The following OGFRL1 variants were observed in gnomAD, a reference collection of about 807,000 sequenced individuals.
OGFRL1 encodes the protein opioid growth factor receptor-like protein 1.
In OGFRL1, 26 loss-of-function variants were observed where a neutral mutation model predicts 32.4. That is an observed-to-expected ratio of 0.80 (90% confidence interval 0.59 to 1.11). The LOEUF is 1.11. Among genes scored for constraint, OGFRL1 ranks in the 50% most tolerant of loss-of-function variants. OGFRL1 has a pLI of 0.00. For synonymous variants in OGFRL1, 211 were observed against 201.2 expected (o/e 1.05, Z -0.41); for missense variants, 521 against 546.4 (o/e 0.95, Z 0.46).
intron 1 of OGFRL1, chr6:71,289,547 G>C (rs1472531740): frequency 6.3e-5 from 16 of 252,324 alleles, no homozygotes; most frequent in Non-Finnish European, 6.7e-5. Context: ...TGTGTTATTG[G>C]TAAAAAAAAA....
At position 71,301,585 on chromosome 6, in the gene OGFRL1, C is replaced by T. The variant is rs764093237; in HGVS notation, c.892C>T (p.Arg298Trp). The change falls in exon 7 of 7, where the codon CGG (arginine) becomes TGG (tryptophan). Residue 298 changes from arginine (R) to tryptophan (W), a missense_variant. Arg to Trp is a moderately radical substitution (Grantham distance 101). Transcript: ENST00000370435. ...RDRRERRKLL[R>W]FAQKHYTPSE... ...CAGAAGAGAAAGGAGAAAGCTCCTG[C>T]GGTTCGCCCAGAAACACTACACGCC... The T allele has an allele frequency of 7.4e-6, 12 of 1,614,030 alleles. No individual in the cohort carries two copies. Among genetic ancestry groups the T allele is most frequent in the South Asian group, 3.3e-5 (3 of 91,080 alleles).
At chr6:71,299,279 A>C (rs183468302) in intron 6 of OGFRL1, among the ~76,000 whole-genome samples, 1 of 152,242 alleles carries the variant, frequency 6.6e-6, no homozygotes, top group Admixed American at 6.5e-5. Flanking sequence ...GTGTAACCCT[A>C]AGATGGTTTA....
intron 1 of OGFRL1, 102 bp downstream of exon 1, chr6:71,289,272 G>T (rs1381751029): frequency 1.0e-4 from 101 of 1,012,442 alleles, no homozygotes; most frequent in Non-Finnish European, 1.1e-4. Context: ...GGGGCGCCAG[G>T]TGGCTGCTCG....
chr6:71,301,702 A>T lies in OGFRL1; in HGVS notation c.1009A>T (p.Asn337Tyr). 2 of 1,614,018 alleles carry T rather than the reference A, an allele frequency of 1.2e-6. No homozygotes were observed. The highest frequency in any genetic ancestry group is 1.7e-6 in the Non-Finnish European group (2 of 1,180,030). The part of the protein sequence containing the change: ...KMSSPLASSH[N>Y]SQTSMHKKAK... Reference sequence around the variant, plus strand: ...GTCTTCCCCTCTCGCCTCCAGTCATAACAGTCAAACTTCTATGCACAAAAA... The same window carrying T: ...GTCTTCCCCTCTCGCCTCCAGTCATTACAGTCAAACTTCTATGCACAAAAA... Residue 337 changes from asparagine (N) to tyrosine (Y), a missense_variant, in exon 7 of 7, where the codon AAC (asparagine) becomes TAC (tyrosine). Coordinates refer to ENST00000370435, the MANE Select transcript of OGFRL1 (RefSeq NM_024576.5).
intron 1 of OGFRL1, among the ~76,000 whole-genome samples, chr6:71,291,046 G>A (rs1468791492): frequency 6.6e-6 from 1 of 152,158 alleles, no homozygotes; most frequent in African/African-American, 2.4e-5. Context: ...GAGTGATGAC[G>A]ACTGAGGACC....
chr6:71,301,052 T>G (rs982967692), intron 6 of OGFRL1, among the ~76,000 whole-genome samples: 3 of 152,174 alleles, frequency 2.0e-5, no homozygotes, highest in African/African-American at 4.8e-5. Context: ...CTCTGTTAGA[T>G]CATTCATCTT....
rs1236762426 is a variant in OGFRL1, at chr6:71,304,542, ATAT to A, written c.*2497_*2499del. On this transcript the variant is annotated 3_prime_UTR_variant, in exon 7 of 7. Transcript: ENST00000370435. ...CATAATAGTAAAAGATTGTGACCAG[ATAT>A]TATGATATTAATAAAGTTACCAGAT... The A allele has an allele frequency of 1.1e-4, 16 of 152,258 alleles. No homozygotes were observed. In the East Asian group the frequency reaches 2.9e-3, roughly 28 times the overall value. The allele number at this position is 152,258 out of a possible 1,614,324, so 9.4% of individuals were successfully genotyped here. A position where few individuals can be genotyped will look rare whatever the true frequency, so the allele number is the denominator to read the frequency against.
At position 71,288,887 on chromosome 6, in the gene OGFRL1, C is replaced by G; in HGVS notation, c.-50C>G. ...TGCCCGGGCCCTAGAGCGCCTGCCG[C>G]AGCTTGCGCCCCGCAGCCCCGCAGC... is the stretch of plus-strand genomic sequence containing the variant. On this transcript the variant is annotated 5_prime_UTR_variant, in exon 1 of 7. Coordinates refer to ENST00000370435, the MANE Select transcript of OGFRL1 (RefSeq NM_024576.5). 1 of 1,210,200 alleles carries G rather than the reference C, an allele frequency of 8.3e-7. No homozygotes were observed. The highest frequency in any genetic ancestry group is 1.0e-6 in the Non-Finnish European group (1 of 958,728). The allele number at this position is 1,210,200 out of a possible 1,614,324, so 75.0% of individuals were successfully genotyped here. A position where few individuals can be genotyped will look rare whatever the true frequency, so the allele number is the denominator to read the frequency against.
At position 71,302,239 on chromosome 6, in the gene OGFRL1, G is replaced by A. The variant is rs1766422350; in HGVS notation, c.*190G>A. ...TTGAATATCTAATAAGGAGATTTAA[G>A]ATAAGACCCAATAAATGAATGTATT... On this transcript the variant is annotated 3_prime_UTR_variant, in exon 7 of 7. Coordinates refer to ENST00000370435, the MANE Select transcript of OGFRL1 (RefSeq NM_024576.5). 2 of 437,086 alleles carry A rather than the reference G, an allele frequency of 4.6e-6. No individual in the cohort carries two copies. Among genetic ancestry groups the A allele is most frequent in the Non-Finnish European group, 7.9e-6 (2 of 254,040 alleles). 27.1% of individuals were successfully genotyped at this position (437,086 alleles called of 1,614,324 possible).
At chr6:71,290,245 G>A (rs958441224) in intron 1 of OGFRL1, among the ~76,000 whole-genome samples, 1 of 152,176 alleles carries the variant, frequency 6.6e-6, no homozygotes, top group African/African-American at 2.4e-5. Context: ...AGATCACTGA[G>A]GGAGAGGATG....
chr6:71,289,370 C>T, intron 1 of OGFRL1, 200 bp downstream of exon 1: 2 of 984,652 alleles, frequency 2.0e-6, no homozygotes, highest in African/African-American at 1.7e-5. Context: ...GCCGGACCCT[C>T]CCACTGCCGG....
intron 1 of OGFRL1, among the ~76,000 whole-genome samples, chr6:71,290,658 T>G (rs1766022381): frequency 6.6e-6 from 1 of 152,230 alleles, no homozygotes; most frequent in South Asian, 2.1e-4. Flanking sequence ...TTTTGCCTTT[T>G]GACTGCCAAC....
At chr6:71,297,104 C>A (rs1243973077) in intron 6 of OGFRL1, among the ~76,000 whole-genome samples, 1 of 152,176 alleles carries the variant, frequency 6.6e-6, no homozygotes, top group South Asian at 2.1e-4. Context: ...CTCCCTCCTC[C>A]TTATGCCACA....
At position 71,296,652 on chromosome 6, in the gene OGFRL1, T is replaced by G. The variant is rs770780155; in HGVS notation, c.547-20T>G. 2 of 1,609,006 alleles carry G rather than the reference T, an allele frequency of 1.2e-6. No homozygotes were observed. The highest frequency in any genetic ancestry group is 2.2e-5 in the South Asian group (2 of 90,410). The stretch of plus-strand genomic sequence containing the variant: ...AGCTACTGAATCATTTCAGGTGACT[T>G]TTTTCATTTTTTATATTAGGAATTC... On this transcript the variant is annotated intron_variant, in intron 5 of 6. Coordinates refer to ENST00000370435, the MANE Select transcript of OGFRL1 (RefSeq NM_024576.5).
intron 1 of OGFRL1, chr6:71,289,586 C>G (rs1299196731): frequency 1.4e-6 from 1 of 740,446 alleles, no homozygotes; most frequent in African/African-American, 2.5e-5. Context: ...AAAAATTACT[C>G]AGAATAAGGT....
Position 71,305,367 on chromosome 6 carries a change from A to G in OGFRL1, c.*3318A>G, listed in dbSNP as rs1227155805. The G allele has an allele frequency of 1.3e-5, 2 of 152,086 alleles. No homozygotes were observed. Among genetic ancestry groups the G allele is most frequent in the Non-Finnish European group, 2.9e-5 (2 of 67,924 alleles). 9.4% of individuals were successfully genotyped at this position (152,086 alleles called of 1,614,324 possible). Reference sequence around the variant, plus strand: ...CTGTACAGTAGAGAAAGAGTTTATAACATGAAGAATATTGTACCATTATAC... The same window carrying G: ...CTGTACAGTAGAGAAAGAGTTTATAGCATGAAGAATATTGTACCATTATAC... On this transcript the variant is annotated 3_prime_UTR_variant, in exon 7 of 7. Coordinates refer to ENST00000370435, the MANE Select transcript of OGFRL1 (RefSeq NM_024576.5).
rs1352720375 is a variant in OGFRL1, at chr6:71,301,853, A to T, written c.1160A>T (p.Glu387Val). The change falls in exon 7 of 7, where the codon GAA (glutamate) becomes GTA (valine). Residue 387 changes from glutamate (E) to valine (V), a missense_variant. Glu to Val is a moderately radical substitution (Grantham distance 121). Coordinates refer to ENST00000370435, the MANE Select transcript of OGFRL1 (RefSeq NM_024576.5). ...TDRPSPEPSNEAAKPRNTEKD... is the reference protein window; with the variant it reads ...TDRPSPEPSNVAAKPRNTEKD... ...AGGCCCAGCCCAGAGCCCAGCAATG[A>T]AGCTGCCAAGCCAAGAAATACAGAG... The T allele has an allele frequency of 6.2e-7, 1 of 1,612,868 alleles. No homozygotes were observed. Among genetic ancestry groups the T allele is most frequent in the East Asian group, 2.2e-5 (1 of 44,886 alleles).
Position 71,302,421 on chromosome 6 carries a change from T to A in OGFRL1, c.*372T>A, listed in dbSNP as rs1268359423. On this transcript the variant is annotated 3_prime_UTR_variant, in exon 7 of 7. Coordinates refer to ENST00000370435, the MANE Select transcript of OGFRL1 (RefSeq NM_024576.5). ...TACATGAAGGAAATCAAGAGGATAA[T>A]TTCATTGGATTGCTACACTTTTACC... The A allele has an allele frequency of 6.4e-6, 1 of 156,306 alleles. No homozygotes were observed. Among genetic ancestry groups the A allele is most frequent in the Non-Finnish European group, 1.4e-5 (1 of 70,934 alleles). The allele number at this position is 156,306 out of a possible 1,614,324, so 9.7% of individuals were successfully genotyped here.
rs775714137 is a variant in OGFRL1 at position 71,301,720 on chromosome 6, C to G, written c.1027C>G (p.His343Asp). 4 of 1,613,828 alleles carry G rather than the reference C, an allele frequency of 2.5e-6. No homozygotes were observed. Among genetic ancestry groups the G allele is most frequent in the Non-Finnish European group, 2.5e-6 (3 of 1,180,004 alleles). Residue 343 changes from histidine (H) to aspartate (D), a missense_variant, in exon 7 of 7, where the codon CAC becomes GAC. Physicochemically the swap from His to Asp is moderately conservative, Grantham distance 81. Transcript: ENST00000370435. ...CAGTCATAACAGTCAAACTTCTATG[C>G]ACAAAAAAGCCAAGGACTCCAAAAA... Reference protein sequence around the residue: ...ASSHNSQTSMHKKAKDSKNSS... With the variant: ...ASSHNSQTSMDKKAKDSKNSS...
Sources: gnomAD v4.1 joint callset for allele counts (sites outside exome capture counted in the v4.1 genomes callset) on GRCh38, gnomAD v4.1.1 for gene constraint, MANE v1.5 for transcripts, NCBI Gene and HGNC (gene_info 2026-07-23, HGNC 2026-07-21) for gene names.